The following POLE2 variants were observed in gnomAD, a reference collection of about 807,000 sequenced individuals.
The protein encoded by POLE2 is DNA polymerase epsilon 2, accessory subunit.
POLE2 carries 56 observed loss-of-function variants against 79.4 expected under a neutral mutation model. The observed-to-expected ratio is 0.71, with a 90% confidence interval of 0.57 to 0.88. The LOEUF is 0.88. Ranked by LOEUF, POLE2 falls within the 40% of genes least tolerant of loss-of-function variation. POLE2 has a pLI of 0.00. For missense variants in POLE2, 598 were observed against 638.9 expected, an observed-to-expected ratio of 0.94 and a Z score of 0.69; for synonymous variants, 212 against 214.0, an observed-to-expected ratio of 0.99 and a Z score of 0.08.
chr14:49,677,513 G>C (rs1008664961), intron 3 of POLE2: 2 of 490,830 alleles, frequency 4.1e-6, no homozygotes, highest in African/African-American at 3.9e-5. Flanking sequence ...CACATGAAGG[G>C]CTCCCACCAG....
intron 10 of POLE2, among the ~76,000 whole-genome samples, chr14:49,657,758 G>A (rs45505498): frequency 2.7e-3 from 408 of 151,950 alleles, no homozygotes; most frequent in Non-Finnish European, 4.7e-3. Context: ...CTTGTTATTA[G>A]TGATATTATG....
In POLE2 at chr14:49,683,661, T is replaced by C. The variant is rs1348225391; in HGVS notation, c.101A>G (p.Gln34Arg). Residue 34 changes from glutamine (Q) to arginine (R), a missense_variant, in exon 2 of 19, where the codon CAG (glutamine) becomes CGG (arginine). Transcript: ENST00000216367. The stretch of plus-strand genomic sequence containing the variant: ...TTCAAGCTCTAATTCACTGATAGAC[T>C]GAAGAGCTTCTGTGAGGTACTTAAT... ...EAIKYLTEAL[Q>R]SISELELEDK... 3.1e-6 allele frequency: 5 copies of C among 1,591,794 alleles called. No individual in the cohort carries two copies. In the South Asian group the frequency reaches 5.6e-5, roughly 18 times the overall value.
chr14:49,662,213 T>C (rs1239064214), intron 10 of POLE2, among the ~76,000 whole-genome samples: 1 of 152,204 alleles, frequency 6.6e-6, no homozygotes, highest in Non-Finnish European at 1.5e-5. Flanking sequence ...GAGTAGATGC[T>C]CTGCACAGGC....
Position 49,655,562 on chromosome 14 carries a change from CTGT to C in POLE2, c.928+106_928+108del. 3 of 763,164 alleles carry C rather than the reference CTGT, an allele frequency of 3.9e-6. No individual in the cohort carries two copies. In the East Asian group the frequency reaches 8.1e-5, roughly 21 times the overall value. The allele number at this position is 763,164 out of a possible 1,614,324, so 47.3% of individuals were successfully genotyped here. A position where few individuals can be genotyped will look rare whatever the true frequency, so the allele number is the denominator to read the frequency against. ...AATTTAAATTATCTCATTGCTAACTCTGTTTTTTTTTAAATAGAATACTCAAAA... is the reference window on the plus strand; with the variant it reads ...AATTTAAATTATCTCATTGCTAACTCTTTTTTTTAAATAGAATACTCAAAA... On this transcript the variant is annotated intron_variant, in intron 11 of 18. Coordinates refer to ENST00000216367, the MANE Select transcript of POLE2 (RefSeq NM_002692.4).
intron 7 of POLE2, among the ~76,000 whole-genome samples, 174 bp downstream of exon 7, chr14:49,666,156 C>T (rs1053764602): frequency 6.6e-6 from 1 of 152,128 alleles, no homozygotes; most frequent in Non-Finnish European, 1.5e-5. Flanking sequence ...TGTTCCAAGG[C>T]TTCTGACATG....
chr14:49,679,375 A>G (rs548225447), intron 3 of POLE2: 1 of 176,460 alleles, frequency 5.7e-6, no homozygotes, highest in East Asian at 1.5e-4. Flanking sequence ...TTCTCTGGAC[A>G]TGGTACTTTC....
intron 9 of POLE2, among the ~76,000 whole-genome samples, chr14:49,664,054 A>T (rs1447489126): frequency 7.1e-6 from 1 of 141,444 alleles, no homozygotes; most frequent in Non-Finnish European, 1.5e-5. Flanking sequence ...AAAAAAAAAA[A>T]GTATATAATT....
intron 14 of POLE2, 44 bp from the exon 15 acceptor site, chr14:49,654,111 T>TA (rs756476643): frequency 1.2e-5 from 19 of 1,591,826 alleles, no homozygotes; most frequent in Non-Finnish European, 1.5e-5. Context: ...TTTTAAGTTT[T>TA]ACAAAATTTT....
intron 15 of POLE2, among the ~76,000 whole-genome samples, chr14:49,652,885 C>G (rs1445480832): frequency 2.0e-5 from 3 of 152,082 alleles, no homozygotes; most frequent in African/African-American, 7.2e-5. Context: ...CCCATAAGAT[C>G]AGTCCCTGGT....
intron 5 of POLE2, among the ~76,000 whole-genome samples, chr14:49,672,819 C>T (rs1031441343): frequency 2.2e-4 from 33 of 152,028 alleles, no homozygotes; most frequent in African/African-American, 7.7e-4. Context: ...CTTTTTATCA[C>T]TTCTCTTTCT....
chr14:49,675,617 G>C (rs1052387496), intron 3 of POLE2, among the ~76,000 whole-genome samples: 7 of 151,406 alleles, frequency 4.6e-5, no homozygotes, highest in Admixed American at 1.3e-4. Context: ...GTAGAGACAG[G>C]GTTTTGCCAT....
intron 3 of POLE2, among the ~76,000 whole-genome samples, chr14:49,676,622 G>T (rs1003991543): frequency 6.6e-6 from 1 of 152,244 alleles, no homozygotes; most frequent in African/African-American, 2.4e-5. Flanking sequence ...GCCGAGCCAG[G>T]TCAGTGAGGA....
chr14:49,654,885 A>T, intron 12 of POLE2, 47 bp from the exon 13 acceptor site: 2 of 1,456,214 alleles, frequency 1.4e-6, no homozygotes, highest in Non-Finnish European at 1.8e-6. Context: ...ATAATGCCAT[A>T]AAATTATATT....
At chr14:49,654,674 CT>C (rs1884519046) in intron 13 of POLE2, 109 bp downstream of exon 13, 1 of 1,271,108 alleles carries the variant, frequency 7.9e-7, no homozygotes, top group African/African-American at 1.6e-5. Flanking sequence ...ATTTTCTCAA[CT>C]TTATCTTTCT....
chr14:49,650,835 G>A (rs1382884670), intron 16 of POLE2, among the ~76,000 whole-genome samples: 6 of 151,950 alleles, frequency 3.9e-5, no homozygotes, highest in African/African-American at 1.2e-4. Flanking sequence ...CTCAAATGGG[G>A]GTGTATGTAA....
Position 49,653,998 on chromosome 14 carries a change from AT to A in POLE2, c.1202del (p.Asn401IlefsTer19). The part of the protein sequence containing the change: ...QRVPFSVFTT[N>X]PCRIQYCTQE... ...AAAATACTAATTCTTACCTGCAAGG[AT>A]TAGTAGTAAAAACTGAAAATGGTAC... On this transcript the variant is annotated frameshift_variant, in exon 15 of 19. Transcript: ENST00000216367. LOFTEE classifies it high-confidence loss of function. 2 of 1,544,910 alleles carry A rather than the reference AT, an allele frequency of 1.3e-6. No homozygotes were observed. Among genetic ancestry groups the A allele is most frequent in the Non-Finnish European group, 1.8e-6 (2 of 1,118,630 alleles).
In POLE2 at chr14:49,664,650, C is replaced by T; in HGVS notation, c.658G>A (p.Glu220Lys). The change falls in exon 9 of 19, where the codon GAG becomes AAG. Residue 220 changes from glutamate (E) to lysine (K), a missense_variant. Physicochemically the swap from Glu to Lys is moderately conservative, Grantham distance 56. Coordinates refer to ENST00000216367, the MANE Select transcript of POLE2 (RefSeq NM_002692.4). ...KAQFHSGLYT[E>K]ACFVLAEGWF... ...CCTTCTGCTAAGACAAAGCATGCCT[C>T]TGTGTATAAACCACTATGGAACTGG... 1 of 1,596,158 alleles carries T rather than the reference C, an allele frequency of 6.3e-7. No homozygotes were observed. Among genetic ancestry groups the T allele is most frequent in the African/African-American group, 1.3e-5 (1 of 74,692 alleles).
intron 8 of POLE2, 60 bp downstream of exon 8, chr14:49,665,047 A>G: frequency 1.3e-6 from 1 of 793,424 alleles, no homozygotes; most frequent in Non-Finnish European, 2.2e-6. Context: ...AAGGATATAT[A>G]ATCAATTTCC....
intron 1 of POLE2, among the ~76,000 whole-genome samples, chr14:49,684,898 A>G (rs972699969): frequency 2.6e-5 from 4 of 152,022 alleles, no homozygotes; most frequent in African/African-American, 9.7e-5. Context: ...AACGGAGTGA[A>G]CCTGAGAGGC....
Sources: allele counts gnomAD v4.1 joint callset (sites outside exome capture counted in the v4.1 genomes callset), GRCh38; gene constraint gnomAD v4.1.1; transcripts MANE v1.5; gene names NCBI Gene and HGNC (gene_info 2026-07-23, HGNC 2026-07-21).